The following RASSF8 variants were observed in gnomAD, a reference collection of about 807,000 sequenced individuals.
RASSF8 encodes the protein ras association domain-containing protein 8.
RASSF8 carries 22 observed loss-of-function variants against 48.5 expected under a neutral mutation model. That is an observed-to-expected ratio of 0.45 (90% CI 0.32 to 0.65). The LOEUF (loss-of-function observed/expected upper bound fraction) is 0.65. Among genes scored for constraint, RASSF8 ranks in the 30% least tolerant of loss-of-function variants. The pLI, the probability that RASSF8 is intolerant of heterozygous loss-of-function variation, is 0.03. For missense variants in RASSF8, 418 were observed against 489.2 expected, an observed-to-expected ratio of 0.85 and a Z score of 1.37; for synonymous variants, 127 against 171.5, an observed-to-expected ratio of 0.74 and a Z score of 2.03.
At chr12:26,038,608 AACACAC>A (rs57536643) in intron 2 of RASSF8, among the ~76,000 whole-genome samples, 30,805 of 144,716 alleles carry the variant, frequency 0.21, 3,354 homozygotes, top group Middle Eastern at 0.26. Context: ...TTCTTATTAA[AACACAC>A]ACACACACAC....
chr12:25,983,124 AC>A lies in RASSF8; in HGVS notation c.-202-11912del, dbSNP rs1941782993. On this transcript the variant is annotated intron_variant, in intron 1 of 5. Coordinates refer to ENST00000689635, the MANE Select transcript of RASSF8 (RefSeq NM_001394098.1). ...ATAGAACCAGCCAAAATAGTAGATA[AC>A]AGAATTAGGTGTGTAATAATCTCAG... Among the ~76,000 whole-genome samples, 3 of 152,366 alleles carry A rather than the reference AC, an allele frequency of 2.0e-5. No homozygotes were observed. In the East Asian group the frequency reaches 5.8e-4, roughly 29 times the overall value.
intron 2 of RASSF8, among the ~76,000 whole-genome samples, chr12:26,054,994 T>C (rs952795399): frequency 6.6e-6 from 1 of 152,168 alleles, no homozygotes; most frequent in Non-Finnish European, 1.5e-5. Flanking sequence ...TAAATAGGAA[T>C]TTTTAATGTA....
chr12:25,976,115 C>A (rs575689104), intron 1 of RASSF8, among the ~76,000 whole-genome samples: 1 of 152,294 alleles, frequency 6.6e-6, no homozygotes, highest in East Asian at 1.9e-4. Flanking sequence ...AGAATAGGGT[C>A]TGGAGGCAGG....
At chr12:26,056,345 A>G (rs1233560136) in intron 3 of RASSF8, among the ~76,000 whole-genome samples, 2 of 152,204 alleles carry the variant, frequency 1.3e-5, no homozygotes, top group Non-Finnish European at 2.9e-5. Flanking sequence ...ATGAGGGCAT[A>G]AACACCTGCA....
chr12:26,016,597 C>T (rs190893593), intron 2 of RASSF8, among the ~76,000 whole-genome samples: 1 of 151,654 alleles, frequency 6.6e-6, no homozygotes, highest in Non-Finnish European at 1.5e-5. Flanking sequence ...ATTGAGTGGG[C>T]AAACTGTTTT....
chr12:25,977,933 A>G (rs1029270509), intron 1 of RASSF8, among the ~76,000 whole-genome samples: 4 of 152,172 alleles, frequency 2.6e-5, no homozygotes, highest in African/African-American at 9.7e-5. Context: ...TGAAGAGTAG[A>G]AGTGGAAAAT....
intron 2 of RASSF8, among the ~76,000 whole-genome samples, chr12:26,051,005 A>G (rs1317019629): frequency 1.3e-5 from 2 of 152,236 alleles, no homozygotes; most frequent in African/African-American, 4.8e-5. Flanking sequence ...TTTTAAAAAA[A>G]CATTTATTGG....
chr12:26,076,346 C>A (rs10771257), downstream of RASSF8, among the ~76,000 whole-genome samples: 143,462 of 152,090 alleles, frequency 0.94, 67,685 homozygotes, highest in East Asian at 0.99. Flanking sequence ...TACATGTGCC[C>A]TGTTAGTTTG....
chr12:26,051,551 T>C (rs547315192), intron 2 of RASSF8, among the ~76,000 whole-genome samples: 2 of 152,332 alleles, frequency 1.3e-5, no homozygotes, highest in Non-Finnish European at 2.9e-5. Context: ...AGTATAAATA[T>C]TGGCAGACCA....
intron 2 of RASSF8, among the ~76,000 whole-genome samples, chr12:26,014,662 C>G (rs1942605416): frequency 6.6e-6 from 1 of 151,932 alleles, no homozygotes. Context: ...CAAATTTTGA[C>G]AATACTCATA....
intron 2 of RASSF8, among the ~76,000 whole-genome samples, chr12:25,999,691 G>C (rs1293966967): frequency 6.6e-6 from 1 of 152,154 alleles, no homozygotes; most frequent in African/African-American, 2.4e-5. Flanking sequence ...TTGAAAAGGA[G>C]ACTAAAAATT....
At chr12:26,021,715 C>T (rs146268844) in intron 2 of RASSF8, among the ~76,000 whole-genome samples, 3 of 152,294 alleles carry the variant, frequency 2.0e-5, no homozygotes, top group Admixed American at 2.0e-4. Context: ...AAGTTCAACA[C>T]TGAGAAAGGC....
At chr12:26,041,876 TG>T (rs142996339) in intron 2 of RASSF8, among the ~76,000 whole-genome samples, 1,567 of 152,264 alleles carry the variant, frequency 0.01, 28 homozygotes, top group African/African-American at 0.03. Context: ...TAGTTTTAGA[TG>T]CAAATTTCAA....
chr12:26,068,119 C>T (rs1943920424), intron 5 of RASSF8, among the ~76,000 whole-genome samples: 1 of 152,078 alleles, frequency 6.6e-6, no homozygotes, highest in African/African-American at 2.4e-5. Flanking sequence ...AAATATTACC[C>T]TAACATTCAT....
intron 1 of RASSF8, among the ~76,000 whole-genome samples, chr12:25,976,009 C>T (rs115264805): frequency 0.052 from 7,947 of 152,088 alleles, 258 homozygotes; most frequent in Middle Eastern, 0.095. Flanking sequence ...GTAGAGGAGC[C>T]GCACCCAGAA....
At chr12:25,986,281 A>G (rs1470128293) in intron 1 of RASSF8, among the ~76,000 whole-genome samples, 2 of 152,154 alleles carry the variant, frequency 1.3e-5, no homozygotes, top group African/African-American at 2.4e-5. Context: ...GCCAGTGACA[A>G]TTTTTAAAAG....
rs1337315208 is a variant in RASSF8, at chr12:26,055,261, C to T, written c.-83C>T. ...CTGACTACACAGACTTAGTCTTCTC[C>T]ACTCCGTGTTCCTGCAGCTAGAGAC... On this transcript the variant is annotated 5_prime_UTR_variant, in exon 3 of 6. Transcript: ENST00000689635. 9.1e-7 allele frequency: 1 copy of T among 1,098,382 alleles called. No homozygotes were observed. The highest frequency in any genetic ancestry group is 1.7e-5 in the Admixed American group (1 of 58,778). The allele number at this position is 1,098,382 out of a possible 1,614,324, so 68.0% of individuals were successfully genotyped here.
At chr12:26,044,750 A>G (rs1403753593) in intron 2 of RASSF8, among the ~76,000 whole-genome samples, 1 of 152,184 alleles carries the variant, frequency 6.6e-6, no homozygotes, top group Non-Finnish European at 1.5e-5. Flanking sequence ...TAAACTTAGT[A>G]TCTGTCTTCT....
intron 4 of RASSF8, 149 bp from the exon 5 acceptor site, chr12:26,067,418 TTG>T: frequency 1.2e-6 from 1 of 824,046 alleles, no homozygotes; most frequent in Non-Finnish European, 1.9e-6. Flanking sequence ...CTTTAGCCCA[TTG>T]TGTCAATATA....
Sources: allele counts gnomAD v4.1 joint callset (sites outside exome capture counted in the v4.1 genomes callset), GRCh38; gene constraint gnomAD v4.1.1; transcripts MANE v1.5; gene names NCBI Gene and HGNC (gene_info 2026-07-23, HGNC 2026-07-21).